Variants in GCNT2 observed in about 807,000 individuals in gnomAD.
The protein encoded by GCNT2 is glucosaminyl (N-acetyl) transferase 2 (I blood group), also known as N-acetyllactosaminide beta-1,6-N-acetylglucosaminyl-transferase.
Under a neutral mutation model 34.2 loss-of-function variants are expected in GCNT2, and 34 were observed. The observed-to-expected ratio is 1.00, with a 90% confidence interval of 0.76 to 1.32. GCNT2 has a LOEUF of 1.32. GCNT2 is among the 40% of genes most tolerant of loss of function. The pLI is 0.00. For synonymous variants in GCNT2, 212 were observed against 188.0 expected (o/e 1.13, Z -1.04); for missense variants, 584 against 489.4 (o/e 1.19, Z -1.82).
At chr6:10,605,410 A>G (rs1765266125) in intron 3 of GCNT2, among the ~76,000 whole-genome samples, 1 of 149,152 alleles carries the variant, frequency 6.7e-6, no homozygotes, top group Admixed American at 6.7e-5. Context: ...GAATTTCATC[A>G]TGTTGCCCAG....
intron 3 of GCNT2, chr6:10,557,053 T>A: frequency 1.2e-6 from 2 of 1,610,412 alleles, no homozygotes; most frequent in Non-Finnish European, 1.7e-6. Flanking sequence ...GATTTAAAGG[T>A]AAAAATATCA....
chr6:10,550,320 G>A (rs1010720551), intron 3 of GCNT2, among the ~76,000 whole-genome samples: 3 of 152,018 alleles, frequency 2.0e-5, no homozygotes, highest in African/African-American at 4.8e-5. Context: ...ATAGGCATGA[G>A]CCACTGAGTC....
intron 3 of GCNT2, among the ~76,000 whole-genome samples, chr6:10,542,383 T>G (rs1286575201): frequency 6.6e-6 from 1 of 151,000 alleles, no homozygotes. Context: ...ATTTATGACA[T>G]ATAATTTACA....
At chr6:10,581,539 G>A (rs560066899) in intron 3 of GCNT2, among the ~76,000 whole-genome samples, 193 of 152,146 alleles carry the variant, frequency 1.3e-3, no homozygotes, top group East Asian at 3.7e-3. Context: ...CAAAATGCTG[G>A]GATTACCGGC....
At chr6:10,613,953 C>G (rs1190624350) in intron 3 of GCNT2, among the ~76,000 whole-genome samples, 1 of 152,080 alleles carries the variant, frequency 6.6e-6, no homozygotes, top group Admixed American at 6.6e-5. Flanking sequence ...CAGTCTCTGG[C>G]AGCAGGCAGG....
At chr6:10,531,108 T>TTA (rs1312203039) in intron 3 of GCNT2, among the ~76,000 whole-genome samples, 1 of 151,956 alleles carries the variant, frequency 6.6e-6, no homozygotes, top group East Asian at 1.9e-4. Context: ...TTCAATGTGA[T>TTA]TACATGATGT....
intron 3 of GCNT2, among the ~76,000 whole-genome samples, chr6:10,546,313 G>A (rs1023389799): frequency 2.6e-5 from 4 of 152,142 alleles, no homozygotes; most frequent in Non-Finnish European, 4.4e-5. Context: ...GAACCCCTGT[G>A]TAGCCAAAAA....
chr6:10,594,025 T>A (rs1309532373), intron 3 of GCNT2, among the ~76,000 whole-genome samples: 1 of 152,188 alleles, frequency 6.6e-6, no homozygotes, highest in Non-Finnish European at 1.5e-5. Context: ...CCCAGAGAAG[T>A]TGTGAGTATT....
chr6:10,588,532 C>G (rs1258900407), intron 3 of GCNT2, among the ~76,000 whole-genome samples: 1 of 152,120 alleles, frequency 6.6e-6, no homozygotes, highest in Admixed American at 6.6e-5. Context: ...GAAGTGTGAG[C>G]CGTTTCTCTT....
intron 3 of GCNT2, among the ~76,000 whole-genome samples, chr6:10,597,041 G>C (rs142467777): frequency 6.6e-6 from 1 of 151,908 alleles, no homozygotes; most frequent in East Asian, 1.9e-4. Context: ...TTAACAGCTT[G>C]TCAGTCACTG....
chr6:10,521,653 G>A (rs928380466), intron 1 of GCNT2: 1 of 140,238 alleles, frequency 7.1e-6, no homozygotes, highest in African/African-American at 2.5e-5. Flanking sequence ...TGTTTTCAAA[G>A]GTTTTTTTTT....
intron 3 of GCNT2, among the ~76,000 whole-genome samples, chr6:10,542,096 C>T (rs1246423660): frequency 2.0e-5 from 3 of 152,074 alleles, no homozygotes; most frequent in Admixed American, 6.6e-5. Context: ...ACAAATCCAG[C>T]AGTTTTCTGC....
rs377366904 is a variant in GCNT2 at position 10,606,184 on chromosome 6, G to C, written c.926-15167G>C. 2.6e-4 allele frequency among the ~76,000 whole-genome samples: 40 copies of C among 152,334 alleles called. 1 individual carries two copies. The highest frequency in any genetic ancestry group is 9.6e-4 in the African/African-American group (40 of 41,578). On this transcript the variant is annotated intron_variant, in intron 3 of 4. Coordinates refer to ENST00000495262, the MANE Select transcript of GCNT2 (RefSeq NM_145649.5). ...ACAAAAATTAGCCGGGTGTGGTGGT[G>C]CATGCCTGTAATCCCGACTACTCGG...
chr6:10,544,051 C>T (rs1479046604), intron 3 of GCNT2, among the ~76,000 whole-genome samples: 1 of 152,230 alleles, frequency 6.6e-6, no homozygotes, highest in African/African-American at 2.4e-5. Context: ...TGGTGGCTCA[C>T]GCCTGTAATC....
chr6:10,536,363 C>CTT (rs533801258), intron 3 of GCNT2, among the ~76,000 whole-genome samples: 1 of 145,602 alleles, frequency 6.9e-6, no homozygotes, highest in Non-Finnish European at 1.5e-5. Flanking sequence ...TCAACTTCTT[C>CTT]TTTTTTTTTT....
chr6:10,603,512 C>T (rs1305807769), intron 3 of GCNT2, among the ~76,000 whole-genome samples: 1 of 152,060 alleles, frequency 6.6e-6, no homozygotes, highest in East Asian at 1.9e-4. Context: ...AGACATAAGC[C>T]ACAGTCTTTT....
chr6:10,622,193 G>A (rs1385311859), intron 4 of GCNT2, among the ~76,000 whole-genome samples: 1 of 152,218 alleles, frequency 6.6e-6, no homozygotes, highest in African/African-American at 2.4e-5. Context: ...TTGTGAAGGA[G>A]AGTTTTTATC....
chr6:10,620,358 C>T (rs976507230), intron 3 of GCNT2, among the ~76,000 whole-genome samples: 4 of 152,020 alleles, frequency 2.6e-5, no homozygotes, highest in South Asian at 4.1e-4. Context: ...AAGTATTTCT[C>T]TTTTAGTTGC....
chr6:10,521,584 C>G (rs1293781273), intron 1 of GCNT2, 167 bp downstream of exon 1: 1 of 151,938 alleles, frequency 6.6e-6, no homozygotes, highest in African/African-American at 2.4e-5. Flanking sequence ...TAGCACAGTG[C>G]CGGGCATAAA....
Sources: allele counts gnomAD v4.1 joint callset (sites outside exome capture counted in the v4.1 genomes callset), GRCh38; gene constraint gnomAD v4.1.1; transcripts MANE v1.5; gene names NCBI Gene and HGNC (gene_info 2026-07-23, HGNC 2026-07-21).